PHTF2: variants seen among roughly 807,000 people sequenced by gnomAD.
PHTF2 encodes protein PHTF2.
Under a neutral mutation model 101.2 loss-of-function variants are expected in PHTF2, and 60 were observed. That is an observed-to-expected ratio of 0.59 (90% CI 0.48 to 0.73). The LOEUF (loss-of-function observed/expected upper bound fraction) is 0.73, where lower values mean the gene tolerates loss of function less well. PHTF2 is among the 30% of genes least tolerant of loss of function. The probability of loss-of-function intolerance (pLI) is 0.00; values close to 1 mark genes in which losing one functional copy is unlikely to be tolerated. For missense variants in PHTF2, 747 were observed against 908.7 expected (o/e 0.82, Z 2.29); for synonymous variants, 311 against 307.3 (o/e 1.01, Z -0.13).
At chr7:77,832,865 C>A (rs545149982) in intron 1 of PHTF2, among the ~76,000 whole-genome samples, 2 of 151,986 alleles carry the variant, frequency 1.3e-5, no homozygotes, top group Non-Finnish European at 1.5e-5. Flanking sequence ...GCTCTCGAAT[C>A]ATCCCAAAAC....
At chr7:77,857,943 G>A (rs1443128427) in intron 3 of PHTF2, among the ~76,000 whole-genome samples, 1 of 152,126 alleles carries the variant, frequency 6.6e-6, no homozygotes, top group Non-Finnish European at 1.5e-5. Context: ...AAATTCTCAT[G>A]AGGCTTAAAA....
At chr7:77,919,149 A>G (rs1426302290) in intron 9 of PHTF2, among the ~76,000 whole-genome samples, 4 of 152,184 alleles carry the variant, frequency 2.6e-5, no homozygotes, top group Admixed American at 2.0e-4. Flanking sequence ...ATGACCTTAA[A>G]TAAGTCACTT....
intron 1 of PHTF2, among the ~76,000 whole-genome samples, chr7:77,837,203 A>C (rs1341687068): frequency 6.6e-6 from 1 of 152,166 alleles, no homozygotes; most frequent in Non-Finnish European, 1.5e-5. Flanking sequence ...AAAGGTCCCC[A>C]GTAGGTTTTT....
intron 3 of PHTF2, among the ~76,000 whole-genome samples, chr7:77,863,973 T>C (rs1797857347): frequency 6.6e-6 from 1 of 151,932 alleles, no homozygotes; most frequent in Admixed American, 6.6e-5. Flanking sequence ...AGGGATGGAG[T>C]TTCTCCATGT....
At chr7:77,828,136 TAA>T (rs1278396885) in intron 1 of PHTF2, among the ~76,000 whole-genome samples, 1 of 152,242 alleles carries the variant, frequency 6.6e-6, no homozygotes, top group African/African-American at 2.4e-5. Flanking sequence ...AGACCAGTAA[TAA>T]CATGTCCATG....
At chr7:77,939,892 C>T (rs1562969113) in intron 13 of PHTF2, 138 bp from the exon 13 acceptor site, 15 of 611,046 alleles carry the variant, frequency 2.5e-5, no homozygotes, top group Non-Finnish European at 3.7e-5. Context: ...GGCTCTCAAA[C>T]TTGAATGGGA....
chr7:77,861,124 C>T (rs1233781028), intron 3 of PHTF2, among the ~76,000 whole-genome samples: 1 of 152,020 alleles, frequency 6.6e-6, no homozygotes, highest in African/African-American at 2.4e-5. Context: ...TGCTCTCTCC[C>T]TTATTCTTTA....
intron 3 of PHTF2, among the ~76,000 whole-genome samples, chr7:77,886,920 C>T (rs538472780): frequency 3.3e-5 from 5 of 152,032 alleles, no homozygotes; most frequent in African/African-American, 1.2e-4. Flanking sequence ...TGGGGGTGCA[C>T]CTGTGGTCCC....
At chr7:77,847,778 T>G (rs750147001) in intron 2 of PHTF2, among the ~76,000 whole-genome samples, 4 of 152,202 alleles carry the variant, frequency 2.6e-5, no homozygotes, top group African/African-American at 4.8e-5. Flanking sequence ...AGTCACCCTG[T>G]TATGCTATCA....
intron 1 of PHTF2, among the ~76,000 whole-genome samples, chr7:77,826,756 G>A (rs889988469): frequency 2.1e-4 from 32 of 152,180 alleles, no homozygotes; most frequent in Admixed American, 2.0e-3. Context: ...GGAATAATGG[G>A]TGTCAATTAG....
intron 1 of PHTF2, among the ~76,000 whole-genome samples, chr7:77,828,457 C>G (rs189469739): frequency 1.3e-3 from 191 of 152,160 alleles, no homozygotes; most frequent in African/African-American, 4.2e-3. Context: ...AAAGACATAT[C>G]AGGTGGGTTG....
chr7:77,892,628 A>T (rs1040613074), intron 3 of PHTF2, among the ~76,000 whole-genome samples: 2 of 152,152 alleles, frequency 1.3e-5, no homozygotes, highest in Non-Finnish European at 2.9e-5. Context: ...AGTCACAGTT[A>T]TATGGTGTTG....
chr7:77,898,342 T>TA (rs1335078650), intron 5 of PHTF2, among the ~76,000 whole-genome samples: 1 of 152,194 alleles, frequency 6.6e-6, no homozygotes, highest in African/African-American at 2.4e-5. Flanking sequence ...AAGCAATTTA[T>TA]AAAAAACAAG....
rs1388609962 is a variant in PHTF2 at position 77,940,513 on chromosome 7, C to T, written c.1741-15C>T. 1.3e-5 allele frequency: 20 copies of T among 1,575,874 alleles called. No individual in the cohort carries two copies. Among genetic ancestry groups the T allele is most frequent in the Non-Finnish European group, 1.7e-5 (20 of 1,161,890 alleles). On this transcript the variant is annotated splice_polypyrimidine_tract_variant and intron_variant, in intron 14 of 19. Transcript: ENST00000416283. ...AATCTACTTGAAAATTAATCCTCAT[C>T]TTAATCTTTTTTAGCGATTACTTTT...
Position 77,929,340 on chromosome 7 carries a change from T to G in PHTF2, c.1338+13T>G. On this transcript the variant is annotated intron_variant, in intron 12 of 19. Transcript: ENST00000416283. ...CCCTTTTCATCAGGTTGGTTTATGG[T>G]TTTGGCTTATGTGGAGCTATGAGTC... is the stretch of plus-strand genomic sequence containing the variant. 1 of 1,425,536 alleles carries G rather than the reference T, an allele frequency of 7.0e-7. No individual in the cohort carries two copies. The highest frequency in any genetic ancestry group is 9.9e-7 in the Non-Finnish European group (1 of 1,012,174). 88.3% of individuals were successfully genotyped at this position (1,425,536 alleles called of 1,614,324 possible). A position where few individuals can be genotyped will look rare whatever the true frequency, so the allele number is the denominator to read the frequency against.
chr7:77,930,251 G>C (rs1423601084), intron 12 of PHTF2, among the ~76,000 whole-genome samples: 1 of 151,970 alleles, frequency 6.6e-6, no homozygotes, highest in African/African-American at 2.4e-5. Flanking sequence ...ACCCTGCCCA[G>C]TCGGACTAGC....
In PHTF2 at chr7:77,878,366, C is replaced by T. The variant is rs116167766; in HGVS notation, c.148-15242C>T. On this transcript the variant is annotated intron_variant, in intron 3 of 19. Transcript: ENST00000416283. ...TGAGCCATTTTATGGGTCTGGGTGG[C>T]GCCAGCTTGTCCATTAGAATGCAGG... Among the ~76,000 whole-genome samples the T allele has an allele frequency of 5.6e-3, 857 of 151,842 alleles. 8 individuals carry two copies. The highest frequency in any genetic ancestry group is 0.019 in the African/African-American group (805 of 41,404).
intron 3 of PHTF2, among the ~76,000 whole-genome samples, chr7:77,866,433 A>G (rs185109567): frequency 2.4e-4 from 37 of 152,228 alleles, no homozygotes; most frequent in African/African-American, 8.2e-4. Context: ...AATTTATTTG[A>G]CTTAATTTTT....
exon 11 of PHTF2, chr7:77,922,660 T>C: frequency 6.2e-7 from 1 of 1,611,042 alleles, no homozygotes; most frequent in African/African-American, 1.3e-5. Flanking sequence ...TCTGATGAAG[T>C]CTCCAGTGAG....
Sources: gnomAD v4.1 joint callset for allele counts (sites outside exome capture counted in the v4.1 genomes callset) on GRCh38, gnomAD v4.1.1 for gene constraint, MANE v1.5 for transcripts, NCBI Gene and HGNC (gene_info 2026-07-23, HGNC 2026-07-21) for gene names.